KCND3: variants seen among roughly 807,000 people sequenced by gnomAD.
The protein encoded by KCND3 is potassium voltage-gated channel subfamily D member 3, also known as A-type voltage-gated potassium channel KCND3.
A neutral mutation model predicts 51.1 loss-of-function variants in KCND3; 9 were observed. The observed-to-expected ratio is 0.18, with a 90% CI of 0.11 to 0.31. KCND3 has a LOEUF of 0.31. Among genes scored for constraint, KCND3 ranks in the 10% least tolerant of loss-of-function variants. The probability of loss-of-function intolerance (pLI) is 1.00; values close to 1 mark genes in which losing one functional copy is unlikely to be tolerated. For synonymous variants in KCND3, 349 were observed against 368.0 expected (o/e 0.95, Z 0.59); for missense variants, 526 against 903.8 (o/e 0.58, Z 5.36).
chr1:111,843,629 C>A (rs1416788938), intron 2 of KCND3, among the ~76,000 whole-genome samples: 1 of 152,142 alleles, frequency 6.6e-6, no homozygotes, highest in Non-Finnish European at 1.5e-5. Context: ...TTTCAGGGTT[C>A]TCTGATGCAG....
chr1:111,825,734 T>G (rs1465161014), intron 2 of KCND3, among the ~76,000 whole-genome samples: 2 of 152,234 alleles, frequency 1.3e-5, no homozygotes, highest in Non-Finnish European at 2.9e-5. Context: ...TTACATATTG[T>G]GTGTATAATT....
intron 2 of KCND3, among the ~76,000 whole-genome samples, chr1:111,951,487 G>T (rs187313412): frequency 6.6e-6 from 1 of 152,152 alleles, no homozygotes; most frequent in Non-Finnish European, 1.5e-5. Context: ...GGGTTGGATG[G>T]GTGGAGTAAA....
intron 2 of KCND3, among the ~76,000 whole-genome samples, chr1:111,967,350 G>T (rs987988834): frequency 6.6e-6 from 1 of 152,046 alleles, no homozygotes; most frequent in Non-Finnish European, 1.5e-5. Flanking sequence ...CCTTTAAAAA[G>T]CCTCTTGGTC....
At chr1:111,806,061 C>G (rs1271338300) in intron 2 of KCND3, among the ~76,000 whole-genome samples, 1 of 152,196 alleles carries the variant, frequency 6.6e-6, no homozygotes, top group African/African-American at 2.4e-5. Flanking sequence ...ACGGCTCCCA[C>G]CAGGCACCCT....
chr1:111,841,331 C>T (rs948866041), intron 2 of KCND3, among the ~76,000 whole-genome samples: 3 of 152,230 alleles, frequency 2.0e-5, no homozygotes, highest in African/African-American at 7.2e-5. Flanking sequence ...ACTTCCCTCG[C>T]TGTACATTTC....
chr1:111,948,976 A>T (rs1326272956), intron 2 of KCND3, among the ~76,000 whole-genome samples: 2 of 152,184 alleles, frequency 1.3e-5, no homozygotes, highest in Admixed American at 6.5e-5. Context: ...CCAATGCCAT[A>T]TTCCAGCATG....
chr1:111,844,070 C>T (rs1667445513), intron 2 of KCND3, among the ~76,000 whole-genome samples: 1 of 152,146 alleles, frequency 6.6e-6, no homozygotes, highest in Admixed American at 6.5e-5. Context: ...GTGAGGTGCA[C>T]AGCAGGAAAC....
chr1:111,880,600 A>G (rs900872793), intron 2 of KCND3, among the ~76,000 whole-genome samples: 14 of 152,240 alleles, frequency 9.2e-5, no homozygotes, highest in Non-Finnish European at 1.5e-4. Context: ...GTACCATATA[A>G]ATACGGTTTA....
chr1:111,830,913 CT>C (rs1177162093), intron 2 of KCND3, among the ~76,000 whole-genome samples: 6 of 152,186 alleles, frequency 3.9e-5, no homozygotes, highest in African/African-American at 1.4e-4. Flanking sequence ...CATTGGGATT[CT>C]TGGTAATTTT....
Position 111,787,057 on chromosome 1 carries a change from T to C in KCND3, c.1156A>G (p.Ile386Val). 6.2e-7 allele frequency: 1 copy of C among 1,614,178 alleles called. No homozygotes were observed. The highest frequency in any genetic ancestry group is 8.5e-7 in the Non-Finnish European group (1 of 1,180,034). The change falls in exon 3 of 8, where the codon ATC becomes GTC. Residue 386 changes from isoleucine (I) to valine (V), a missense_variant. Ile to Val is a conservative substitution (Grantham distance 29). Coordinates refer to ENST00000302127, the MANE Select transcript of KCND3 (RefSeq NM_001378969.1). ...ACCAGGACGCCACTCAAGGAGCAGA[T>C]GGAGCCGAAGATCTTCCCTGCAATC... is the stretch of plus-strand genomic sequence containing the variant. ...KTIAGKIFGS[I>V]CSLSGVLVIA...
intron 2 of KCND3, among the ~76,000 whole-genome samples, chr1:111,846,304 C>A (rs12754273): frequency 6.6e-6 from 1 of 152,190 alleles, no homozygotes; most frequent in African/African-American, 2.4e-5. Context: ...GGCCACTGAA[C>A]ACACAGTTCC....
intron 2 of KCND3, among the ~76,000 whole-genome samples, chr1:111,828,312 C>A (rs1009530): frequency 6.6e-6 from 1 of 151,968 alleles, no homozygotes; most frequent in East Asian, 1.9e-4. Context: ...CCTTTACTTC[C>A]GTCTACCTGT....
Position 111,982,887 on chromosome 1 carries a change from T to C in KCND3, c.-72-89A>G. 1.0e-6 allele frequency: 1 copy of C among 1,003,802 alleles called. No individual in the cohort carries two copies. Among genetic ancestry groups the C allele is most frequent in the Non-Finnish European group, 1.5e-6 (1 of 674,516 alleles). The allele number at this position is 1,003,802 out of a possible 1,614,324, so 62.2% of individuals were successfully genotyped here. ...GACACAGGAAAGGATCACTGGTGAG[T>C]GAAACGGCCAAAGTCTCCAGGGCAG... On this transcript the variant is annotated intron_variant, in intron 1 of 7. Transcript: ENST00000302127. This position sits in a 1 kb window ranked among gnomAD's most constrained non-coding sequence, Gnocchi z 8.5.
rs1663887666 is a variant in KCND3, at chr1:111,770,826, A to G, written c.*5251T>C. On this transcript the variant is annotated 3_prime_UTR_variant, in exon 8 of 8. Coordinates refer to ENST00000302127, the MANE Select transcript of KCND3 (RefSeq NM_001378969.1). ...CAAGGGTGTTTTTTTTTTTTCATAG[A>G]AAGTTTTCATGTTTTATCTTCCTGC... 1 of 151,892 alleles carries G rather than the reference A, an allele frequency of 6.6e-6. No individual in the cohort carries two copies. The highest frequency in any genetic ancestry group is 6.6e-5 in the Admixed American group (1 of 15,264). The allele number at this position is 151,892 out of a possible 1,614,324, so 9.4% of individuals were successfully genotyped here.
intron 2 of KCND3, among the ~76,000 whole-genome samples, chr1:111,849,064 G>A (rs1172781993): frequency 2.0e-5 from 3 of 152,112 alleles, no homozygotes; most frequent in Non-Finnish European, 4.4e-5. Context: ...CGAGGCACAG[G>A]CGTGGGAGGT....
Position 111,780,288 on chromosome 1 carries a change from G to A in KCND3, c.1398C>T (p.Gly466=). Residue 466 remains glycine, a synonymous_variant, in exon 5 of 8, where the codon GGC becomes GGT. Transcript: ENST00000302127. The surrounding 1 kb of genome is among the most constrained non-coding windows in gnomAD (Gnocchi z 4.2). ...GGCTCTCGATGAGTGAGGTGGTCTTGCCCATGTGCTCCTCTTCTGGGGTGC... is the reference window on the plus strand; with the variant it reads ...GGCTCTCGATGAGTGAGGTGGTCTTACCCATGTGCTCCTCTTCTGGGGTGC... ...LTGTPEEEHM[G]KTTSLIESQH... 6.3e-7 allele frequency: 1 copy of A among 1,580,748 alleles called. No individual in the cohort carries two copies. The highest frequency in any genetic ancestry group is 1.2e-5 in the South Asian group (1 of 86,134).
intron 2 of KCND3, among the ~76,000 whole-genome samples, chr1:111,905,271 C>A (rs1251801024): frequency 6.6e-6 from 1 of 152,188 alleles, no homozygotes; most frequent in Non-Finnish European, 1.5e-5. Context: ...GGCAACAGAA[C>A]AGGAGACACT....
At chr1:111,946,038 G>A (rs995188247) in intron 2 of KCND3, among the ~76,000 whole-genome samples, 5 of 152,226 alleles carry the variant, frequency 3.3e-5, no homozygotes, top group Non-Finnish European at 7.3e-5. Flanking sequence ...AGTATTAAGT[G>A]TGTACATAAT....
At chr1:111,896,198 C>A (rs990437126) in intron 2 of KCND3, among the ~76,000 whole-genome samples, 3 of 152,086 alleles carry the variant, frequency 2.0e-5, no homozygotes, top group East Asian at 1.9e-4. Flanking sequence ...TCAGAGCAAA[C>A]CCGGAACCCG....
Sources: allele counts gnomAD v4.1 joint callset (sites outside exome capture counted in the v4.1 genomes callset), GRCh38; gene constraint gnomAD v4.1.1; non-coding constraint Gnocchi (gnomAD v3.1); transcripts MANE v1.5; gene names NCBI Gene and HGNC (gene_info 2026-07-23, HGNC 2026-07-21).